TNFRSF1A: variants seen among roughly 807,000 people sequenced by gnomAD.
TNFRSF1A encodes tumor necrosis factor receptor superfamily member 1A.
Under a neutral mutation model 41.6 loss-of-function variants are expected in TNFRSF1A, and 9 were observed. That is an observed-to-expected ratio of 0.22 (90% CI 0.13 to 0.38). TNFRSF1A has a LOEUF of 0.38. Among genes scored for constraint, TNFRSF1A ranks in the 10% least tolerant of loss-of-function variants. The pLI, the probability that TNFRSF1A is intolerant of heterozygous loss-of-function variation, is 1.00. For synonymous variants in TNFRSF1A, 254 were observed against 248.6 expected (o/e 1.02, Z -0.21); for missense variants, 463 against 591.5 (o/e 0.78, Z 2.25).
At chr12:6,339,841 T>TCACACACACA (rs57599695) in intron 1 of TNFRSF1A, among the ~76,000 whole-genome samples, 63 of 113,738 alleles carry the variant, frequency 5.5e-4, no homozygotes, top group African/African-American at 2.5e-3. Flanking sequence ...TCTCTCTCTC[T>TCACACACACA]CACACACACA....
At position 6,329,882 on chromosome 12, in the gene TNFRSF1A, T is replaced by A. The variant is rs537323599; in HGVS notation, c.953A>T (p.Tyr318Phe). The change falls in exon 9 of 10, where the codon TAT (tyrosine) becomes TTT (phenylalanine). Residue 318 changes from tyrosine to phenylalanine, a missense_variant. This residue lies in a region of TNFRSF1A where 277 missense variants were observed against 288.8 expected (regional missense o/e 0.96). Transcript: ENST00000162749. ...CGCAAGGATGGGGTCAGCCCCCTGA[T>A]AGGGTGGTGCCACCTCTCTGCGGGG... ...AAPRREVAPP[Y>F]QGADPILATA... is the part of the protein sequence containing the mutation. The A allele has an allele frequency of 6.3e-7, 1 of 1,588,376 alleles. No homozygotes were observed. Among genetic ancestry groups the A allele is most frequent in the East Asian group, 2.3e-5 (1 of 43,678 alleles).
At position 6,334,017 on chromosome 12, in the gene TNFRSF1A, G is replaced by A; in HGVS notation, c.193+74C>T. The A allele has an allele frequency of 6.2e-7, 1 of 1,611,486 alleles. No individual in the cohort carries two copies. On this transcript the variant is annotated intron_variant, in intron 2 of 9. Transcript: ENST00000162749. The surrounding 1 kb of genome is among the most constrained non-coding windows in gnomAD (Gnocchi z 5.1). The stretch of plus-strand genomic sequence containing the variant: ...CAGGAGAGACAGCAAAGTTAGGGAA[G>A]AACAACTGGAAGAAGCAGAGAAAGA...
Position 6,329,273 on chromosome 12 carries a change from C to T in TNFRSF1A, c.*39G>A. 1.4e-6 allele frequency: 2 copies of T among 1,434,494 alleles called. No individual in the cohort carries two copies. Among genetic ancestry groups the T allele is most frequent in the South Asian group, 1.6e-5 (1 of 63,650 alleles). 88.9% of individuals were successfully genotyped at this position (1,434,494 alleles called of 1,614,324 possible). The stretch of plus-strand genomic sequence containing the variant: ...AAAAAGTGGGGTTGGAAGGCGATCT[C>T]GCAGGACGGTCCTTAGAGCTGCCCG... On this transcript the variant is annotated 3_prime_UTR_variant, in exon 10 of 10. Transcript: ENST00000162749.
At position 6,329,986 on chromosome 12, in the gene TNFRSF1A, C is replaced by T. The variant is rs1230266316; in HGVS notation, c.849G>A (p.Leu283=). Reference sequence around the variant, plus strand: ...TGGAACTGGGCACGGGACTGAAGCCCAGGGTGGGGGTGAAGCCTGGAGTGG... The same window carrying T: ...TGGAACTGGGCACGGGACTGAAGCCTAGGGTGGGGGTGAAGCCTGGAGTGG... ...FSPTPGFTPT[L]GFSPVPSSTF... The change falls in exon 9 of 10, where the codon CTG becomes CTA. Residue 283 remains leucine, a synonymous_variant. Coordinates refer to ENST00000162749, the MANE Select transcript of TNFRSF1A (RefSeq NM_001065.4). The T allele has an allele frequency of 6.3e-7, 1 of 1,596,076 alleles. No homozygotes were observed. Among genetic ancestry groups the T allele is most frequent in the Non-Finnish European group, 8.5e-7 (1 of 1,170,056 alleles).
In TNFRSF1A at chr12:6,334,294, G is replaced by A. The variant is rs1251232846; in HGVS notation, c.40-50C>T. 1 of 1,566,324 alleles carries A rather than the reference G, an allele frequency of 6.4e-7. No individual in the cohort carries two copies. Among genetic ancestry groups the A allele is most frequent in the Non-Finnish European group, 8.8e-7 (1 of 1,142,122 alleles). On this transcript the variant is annotated intron_variant, in intron 1 of 9. Coordinates refer to ENST00000162749, the MANE Select transcript of TNFRSF1A (RefSeq NM_001065.4). The surrounding 1 kb of genome is among the most constrained non-coding windows in gnomAD (Gnocchi z 5.1). ...ACACCATCAAGAGAGGGAGGGATGG[G>A]AAGCTTAGGGGTAGCAGATCTAAAA...
In TNFRSF1A at chr12:6,334,314, C is replaced by A; in HGVS notation, c.40-70G>T. 1 of 1,426,902 alleles carries A rather than the reference C, an allele frequency of 7.0e-7. No homozygotes were observed. Among genetic ancestry groups the A allele is most frequent in the Non-Finnish European group, 9.7e-7 (1 of 1,027,886 alleles). The allele number at this position is 1,426,902 out of a possible 1,614,324, so 88.4% of individuals were successfully genotyped here. ...GATGGGAAGCTTAGGGGTAGCAGAT[C>A]TAAAACTTCCCTGGCTCAAGTCCTT... On this transcript the variant is annotated intron_variant, in intron 1 of 9. Transcript: ENST00000162749. This position sits in a 1 kb window ranked among gnomAD's most constrained non-coding sequence, Gnocchi z 5.1.
At chr12:6,340,983 G>T (rs1449489894) in intron 1 of TNFRSF1A, among the ~76,000 whole-genome samples, 1 of 152,224 alleles carries the variant, frequency 6.6e-6, no homozygotes, top group Non-Finnish European at 1.5e-5. Flanking sequence ...GTGAGAAGCA[G>T]CGGGGAGGGG....
chr12:6,339,554 G>A (rs1473367382), intron 1 of TNFRSF1A, among the ~76,000 whole-genome samples: 1 of 152,168 alleles, frequency 6.6e-6, no homozygotes, highest in Non-Finnish European at 1.5e-5. Context: ...CTGGAGCTGA[G>A]CGCAGGAGCT....
chr12:6,332,000 CAAAAAAA>C (rs750532640), intron 5 of TNFRSF1A: 77 of 78,806 alleles, frequency 9.8e-4, no homozygotes, highest in South Asian at 2.3e-3. Flanking sequence ...GACTCTGTGT[CAAAAAAA>C]AAAAAAAAAA....
At chr12:6,330,826 C>T (rs750190633) in intron 6 of TNFRSF1A, 27 bp downstream of exon 6, 4 of 1,607,218 alleles carry the variant, frequency 2.5e-6, no homozygotes, top group Non-Finnish European at 3.4e-6. Flanking sequence ...GGCAGGTGAG[C>T]ATGGGCACCA....
At chr12:6,329,689 C>CCGCCTCTCGTGGTCCCCTCTGGGAG in intron 9 of TNFRSF1A, 67 bp from the exon 10 acceptor site, 1 of 1,531,370 alleles carries the variant, frequency 6.5e-7, no homozygotes, top group Non-Finnish European at 8.8e-7. Flanking sequence ...CCCGCGCCCT[C>CCGCCTCTCGTGGTCCCCTCTGGGAG]CGCCTCTCGT....
intron 1 of TNFRSF1A, among the ~76,000 whole-genome samples, chr12:6,336,004 G>C (rs139808417): frequency 5.7e-4 from 87 of 152,348 alleles, no homozygotes; most frequent in African/African-American, 2.0e-3. Context: ...GGGGCTTCCA[G>C]GGCAACAGGA....
chr12:6,329,037 A>G lies in TNFRSF1A; in HGVS notation c.*275T>C, dbSNP rs1173141921. On this transcript the variant is annotated 3_prime_UTR_variant, in exon 10 of 10. Transcript: ENST00000162749. The stretch of plus-strand genomic sequence containing the variant: ...CCCCCGAGCAGCCTTGCTGGTGAGG[A>G]CACCCAAAACGGGCATGAGGCATAG... The G allele has an allele frequency of 7.6e-6, 3 of 394,818 alleles. No homozygotes were observed. In the East Asian group the frequency reaches 1.1e-4, roughly 14 times the overall value. 24.5% of individuals were successfully genotyped at this position (394,818 alleles called of 1,614,324 possible).
rs201538598 is a variant in TNFRSF1A, at chr12:6,329,336, C to G, written c.1344G>C (p.Pro448=). The G allele has an allele frequency of 6.8e-7, 1 of 1,473,020 alleles. No homozygotes were observed. Among genetic ancestry groups the G allele is most frequent in the African/African-American group, 1.5e-5 (1 of 68,194 alleles). The allele number at this position is 1,473,020 out of a possible 1,614,324, so 91.2% of individuals were successfully genotyped here. A position where few individuals can be genotyped will look rare whatever the true frequency, so the allele number is the denominator to read the frequency against. The change falls in exon 10 of 10, where the codon CCG becomes CCC. Residue 448 remains proline (P), a synonymous_variant. Coordinates refer to ENST00000162749, the MANE Select transcript of TNFRSF1A (RefSeq NM_001065.4). ...EEALCGPAAL[P]PAPSLLR is the part of the protein sequence containing the mutation. Reference sequence around the variant, plus strand: ...CTCATCTGAGAAGACTGGGCGCGGGCGGGAGGGCGGCGGGGCCGCAAAGCG... The same window carrying G: ...CTCATCTGAGAAGACTGGGCGCGGGGGGGAGGGCGGCGGGGCCGCAAAGCG...
Position 6,333,941 on chromosome 12 carries a change from G to A in TNFRSF1A, c.194-76C>T. On this transcript the variant is annotated intron_variant, in intron 2 of 9. Coordinates refer to ENST00000162749, the MANE Select transcript of TNFRSF1A (RefSeq NM_001065.4). This position sits in a 1 kb window ranked among gnomAD's most constrained non-coding sequence, Gnocchi z 6.3. ...GCCCCATGCTAGGGACAACAGCCAG[G>A]GCCGATTCCCTGAAGTCTCTAGGAG... 2 of 1,605,574 alleles carry A rather than the reference G, an allele frequency of 1.2e-6. No homozygotes were observed. The highest frequency in any genetic ancestry group is 1.7e-6 in the Non-Finnish European group (2 of 1,175,510).
Position 6,329,335 on chromosome 12 carries a change from G to T in TNFRSF1A, c.1345C>A (p.Pro449Thr), listed in dbSNP as rs752125231. Residue 449 changes from proline (P) to threonine (T), a missense_variant, in exon 10 of 10, where the codon CCC becomes ACC. Pro to Thr is a conservative substitution (Grantham distance 38). Coordinates refer to ENST00000162749, the MANE Select transcript of TNFRSF1A (RefSeq NM_001065.4). ...CCTCATCTGAGAAGACTGGGCGCGG[G>T]CGGGAGGGCGGCGGGGCCGCAAAGC... ...EALCGPAALPPAPSLLR is the reference protein window; with the variant it reads ...EALCGPAALPTAPSLLR 6.8e-7 allele frequency: 1 copy of T among 1,476,628 alleles called. No homozygotes were observed. Among genetic ancestry groups the T allele is most frequent in the South Asian group, 1.4e-5 (1 of 71,682 alleles). The allele number at this position is 1,476,628 out of a possible 1,614,324, so 91.5% of individuals were successfully genotyped here.
rs1459619102 is a variant in TNFRSF1A, at chr12:6,332,924, T to A, written c.551+145A>T. ...GCAAGGGGAAGGACTGCCTGGTGTC[T>A]TAACGAAGTGTCTCCTACTCAGCCA... On this transcript the variant is annotated intron_variant, in intron 5 of 9. Coordinates refer to ENST00000162749, the MANE Select transcript of TNFRSF1A (RefSeq NM_001065.4). 3.8e-5 allele frequency: 27 copies of A among 716,404 alleles called. No individual in the cohort carries two copies. In the East Asian group the frequency reaches 7.2e-4, roughly 19 times the overall value. 44.4% of individuals were successfully genotyped at this position (716,404 alleles called of 1,614,324 possible).
At chr12:6,339,036 C>T (rs778228738) in intron 1 of TNFRSF1A, among the ~76,000 whole-genome samples, 1 of 152,152 alleles carries the variant, frequency 6.6e-6, no homozygotes, top group Non-Finnish European at 1.5e-5. Flanking sequence ...GAACCATATT[C>T]AACACTCTTC....
chr12:6,336,578 G>A (rs1363410519), intron 1 of TNFRSF1A, among the ~76,000 whole-genome samples: 1 of 151,948 alleles, frequency 6.6e-6, no homozygotes, highest in Non-Finnish European at 1.5e-5. Flanking sequence ...GTCCCACTTG[G>A]CCCACATGTT....
Sources: allele counts gnomAD v4.1 joint callset (sites outside exome capture counted in the v4.1 genomes callset), GRCh38; gene constraint gnomAD v4.1.1; regional missense constraint gnomAD v4.1.1; non-coding constraint Gnocchi (gnomAD v3.1); transcripts MANE v1.5; gene names NCBI Gene and HGNC (gene_info 2026-07-23, HGNC 2026-07-21).